Variants in SLC24A2 observed in about 807,000 individuals in gnomAD.
SLC24A2 encodes the protein sodium/potassium/calcium exchanger 2.
SLC24A2 carries 36 observed loss-of-function variants against 62.0 expected under a neutral mutation model. That is an observed-to-expected ratio of 0.58 (90% CI 0.44 to 0.77). The LOEUF (loss-of-function observed/expected upper bound fraction) is 0.77, where lower values mean the gene tolerates loss of function less well. Among genes scored for constraint, SLC24A2 ranks in the 30% least tolerant of loss-of-function variants. The pLI, the probability that SLC24A2 is intolerant of heterozygous loss-of-function variation, is 0.00. For missense variants in SLC24A2, 846 were observed against 817.9 expected, an observed-to-expected ratio of 1.03 and a Z score of -0.42; for synonymous variants, 358 against 294.0, an observed-to-expected ratio of 1.22 and a Z score of -2.23.
In SLC24A2 at chr9:19,577,016, A is replaced by T; in HGVS notation, c.1136T>A (p.Phe379Tyr). 6.2e-7 allele frequency: 1 copy of T among 1,613,794 alleles called. No homozygotes were observed. Among genetic ancestry groups the T allele is most frequent in the African/African-American group, 1.3e-5 (1 of 75,024 alleles). ...YYDTMTEEGRFREKASILHKI... is the reference protein window; with the variant it reads ...YYDTMTEEGRYREKASILHKI... ...GTGGAGAATTGAAGCCTTTTCTCTG[A>T]ACCTCCCTGAAGCAAAAGAAAGTGG... Residue 379 changes from phenylalanine (F) to tyrosine (Y), a missense_variant, in exon 6 of 11, where the codon TTC (phenylalanine) becomes TAC (tyrosine). Phe to Tyr is a conservative substitution (Grantham distance 22). Transcript: ENST00000341998.
chr9:20,300,046 A>G, the SLC24A2 span, among the ~76,000 whole-genome samples: 1 of 152,256 alleles, frequency 6.6e-6, no homozygotes, highest in South Asian at 2.1e-4. Flanking sequence ...TCTGAAATAT[A>G]GAAGATGGAT....
At chr9:19,641,646 C>T (rs1435189147) in intron 2 of SLC24A2, among the ~76,000 whole-genome samples, 1 of 152,012 alleles carries the variant, frequency 6.6e-6, no homozygotes, top group Non-Finnish European at 1.5e-5. Flanking sequence ...TCCCAAGTAG[C>T]TGGGACCACA....
the SLC24A2 span, among the ~76,000 whole-genome samples, chr9:19,850,116 T>G: frequency 6.6e-6 from 1 of 151,896 alleles, no homozygotes; most frequent in African/African-American, 2.4e-5. Flanking sequence ...CTCCTGAAAT[T>G]ATATAAATGC....
chr9:19,577,106 TCACGCTG>T (rs909983623), intron 5 of SLC24A2, 84 bp from the exon 6 acceptor site: 3 of 1,032,264 alleles, frequency 2.9e-6, no homozygotes, highest in African/African-American at 3.1e-5. Flanking sequence ...GCCTCCTCAG[TCACGCTG>T]CACTAATAGC....
At chr9:20,147,166 T>C in the SLC24A2 span, among the ~76,000 whole-genome samples, 2 of 152,156 alleles carry the variant, frequency 1.3e-5, no homozygotes, top group Non-Finnish European at 2.9e-5. Context: ...AAATGAAGTA[T>C]TGACTTGGGT....
At chr9:19,834,198 C>T in the SLC24A2 span, among the ~76,000 whole-genome samples, 1 of 152,144 alleles carries the variant, frequency 6.6e-6, no homozygotes, top group Non-Finnish European at 1.5e-5. Context: ...CGCAGCTCCT[C>T]AGTGCAATGG....
intron 2 of SLC24A2, among the ~76,000 whole-genome samples, chr9:19,761,621 G>A (rs1564085904): frequency 1.3e-5 from 2 of 151,922 alleles, no homozygotes; most frequent in East Asian, 1.9e-4. Flanking sequence ...TCCTAATGCT[G>A]TCCCTCCCCC....
the SLC24A2 span, among the ~76,000 whole-genome samples, chr9:19,825,526 A>C: frequency 6.6e-6 from 1 of 152,098 alleles, no homozygotes; most frequent in East Asian, 1.9e-4. Context: ...TATAGGGTCT[A>C]ACTGAGCTTA....
At chr9:20,270,088 C>A in the SLC24A2 span, among the ~76,000 whole-genome samples, 1 of 152,118 alleles carries the variant, frequency 6.6e-6, no homozygotes, top group East Asian at 1.9e-4. Flanking sequence ...CCTACTCTAG[C>A]AGGAAATAAT....
At position 19,630,349 on chromosome 9, in the gene SLC24A2, T is replaced by G. The variant is rs886303563; in HGVS notation, c.931-8050A>C. Among the ~76,000 whole-genome samples the G allele has an allele frequency of 1.4e-4, 22 of 152,164 alleles. 1 individual carries two copies. The South Asian group carries it at 2.7e-3, about 19-fold the overall frequency. On this transcript the variant is annotated intron_variant, in intron 2 of 10. Coordinates refer to ENST00000341998, the MANE Select transcript of SLC24A2 (RefSeq NM_020344.4). ...AGATATTTAAAATGCATTTTAAAAC[T>G]GATATAATTGAAGACATAATTTAAT...
chr9:19,934,496 A>G, the SLC24A2 span, among the ~76,000 whole-genome samples: 13 of 150,710 alleles, frequency 8.6e-5, no homozygotes, highest in African/African-American at 2.7e-4. The surrounding 1 kb of genome is among the most constrained non-coding windows in gnomAD (Gnocchi z 4.1). Context: ...TGCAGCTCCC[A>G]GGTCCCCGCG....
chr9:19,735,003 G>A (rs1821462178), intron 2 of SLC24A2, among the ~76,000 whole-genome samples: 1 of 151,988 alleles, frequency 6.6e-6, no homozygotes, highest in African/African-American at 2.4e-5. Context: ...AGCCAAAATT[G>A]ACAAATGGGA....
At chr9:19,516,506 T>G in intron 10 of SLC24A2, 104 bp from the exon 11 acceptor site, 3 of 1,376,602 alleles carry the variant, frequency 2.2e-6, no homozygotes, top group African/African-American at 1.4e-5. Flanking sequence ...TCAGGAACTC[T>G]AAACTGAAAA....
chr9:19,520,965 C>G lies in SLC24A2; in HGVS notation c.1665G>C (p.Val555=). Residue 555 remains valine, a synonymous_variant, in exon 10 of 11, where the codon GTG becomes GTC. Transcript: ENST00000341998. ...CCATGTCCCCTAACCCCTTCCGGGC[C>G]ACTATGACACTGGTGATAAGATCAG... ...SIPDLITSVI[V]ARKGLGDMAV... 2 of 1,614,076 alleles carry G rather than the reference C, an allele frequency of 1.2e-6. No homozygotes were observed. The highest frequency in any genetic ancestry group is 1.7e-6 in the Non-Finnish European group (2 of 1,180,000).
chr9:19,794,896 C>T, the SLC24A2 span, among the ~76,000 whole-genome samples: 416 of 152,192 alleles, frequency 2.7e-3, 2 homozygotes, highest in African/African-American at 8.7e-3. Context: ...AATAAAAAAT[C>T]GTGCTCCTGC....
chr9:19,662,007 A>G (rs1819115819), intron 2 of SLC24A2, among the ~76,000 whole-genome samples: 1 of 152,158 alleles, frequency 6.6e-6, no homozygotes. Context: ...AGCCTTACTC[A>G]TTCTTTACAG....
the SLC24A2 span, among the ~76,000 whole-genome samples, chr9:20,046,285 GAAGT>G: frequency 2.0e-5 from 3 of 152,180 alleles, no homozygotes; most frequent in African/African-American, 4.8e-5. Flanking sequence ...AATTGCTTCT[GAAGT>G]AAGTAAGGAA....
the SLC24A2 span, among the ~76,000 whole-genome samples, chr9:19,891,160 G>A: frequency 5.1e-4 from 77 of 152,266 alleles, no homozygotes; most frequent in African/African-American, 1.7e-3. Context: ...TACTGTAGCT[G>A]TCACCTGGAC....
Position 19,508,637 on chromosome 9 carries a change from C to A in SLC24A2, c.*7516G>T, listed in dbSNP as rs969013157. The A allele has an allele frequency of 6.6e-6, 1 of 151,876 alleles. No homozygotes were observed. The highest frequency in any genetic ancestry group is 2.4e-5 in the African/African-American group (1 of 41,328). The allele number at this position is 151,876 out of a possible 1,614,324, so 9.4% of individuals were successfully genotyped here. A position where few individuals can be genotyped will look rare whatever the true frequency, so the allele number is the denominator to read the frequency against. On this transcript the variant is annotated 3_prime_UTR_variant, in exon 11 of 11. Transcript: ENST00000341998. ...GTGAGACTCCATCTCTTAACAACAA[C>A]AACAAAATTAGCCAGGCATGGTGGC...
Sources: allele counts gnomAD v4.1 joint callset (sites outside exome capture counted in the v4.1 genomes callset), GRCh38; gene constraint gnomAD v4.1.1; non-coding constraint Gnocchi (gnomAD v3.1); transcripts MANE v1.5; gene names NCBI Gene and HGNC (gene_info 2026-07-23, HGNC 2026-07-21).